The following FAM13A variants were observed in gnomAD, a reference collection of about 807,000 sequenced individuals.
FAM13A encodes protein FAM13A.
FAM13A carries 76 observed loss-of-function variants against 129.6 expected under a neutral mutation model. The observed-to-expected ratio is 0.59, with a 90% CI of 0.49 to 0.71. The LOEUF (loss-of-function observed/expected upper bound fraction) is 0.71, where lower values mean the gene tolerates loss of function less well. Among genes scored for constraint, FAM13A ranks in the 30% least tolerant of loss-of-function variants. FAM13A has a pLI of 0.00. For synonymous variants in FAM13A, 443 were observed against 449.9 expected (o/e 0.98, Z 0.20); for missense variants, 1,108 against 1,249.3 (o/e 0.89, Z 1.70).
chr4:88,817,011 A>C (rs1730862701), intron 7 of FAM13A, among the ~76,000 whole-genome samples: 1 of 152,204 alleles, frequency 6.6e-6, no homozygotes, highest in Non-Finnish European at 1.5e-5. Flanking sequence ...GATAAACGAA[A>C]TTTGCTACAT....
chr4:88,812,550 CCT>C (rs1266928849), intron 7 of FAM13A, among the ~76,000 whole-genome samples: 1 of 152,154 alleles, frequency 6.6e-6, no homozygotes, highest in African/African-American at 2.4e-5. Context: ...CCTTTCTCCA[CCT>C]CTCTCTGCCT....
In FAM13A at chr4:88,788,918, A is replaced by T. The variant is rs114021235; in HGVS notation, c.1092-986T>A. Among the ~76,000 whole-genome samples, 1,198 of 152,254 alleles carry T rather than the reference A, an allele frequency of 7.9e-3. 10 individuals carry two copies. Among genetic ancestry groups the T allele is most frequent in the African/African-American group, 0.028 (1,159 of 41,560 alleles). On this transcript the variant is annotated intron_variant, in intron 9 of 23. Coordinates refer to ENST00000264344, the MANE Select transcript of FAM13A (RefSeq NM_014883.4). ...CTCATAGTTATTCAAATTTTATTAA[A>T]AATATTTTAAGATAATGAGGAAGTA...
Position 88,747,613 on chromosome 4 carries a change from T to A in FAM13A, c.2382+18A>T. The A allele has an allele frequency of 6.2e-7, 1 of 1,607,642 alleles. No individual in the cohort carries two copies. Among genetic ancestry groups the A allele is most frequent in the Non-Finnish European group, 8.5e-7 (1 of 1,174,156 alleles). On this transcript the variant is annotated intron_variant, in intron 18 of 23. Coordinates refer to ENST00000264344, the MANE Select transcript of FAM13A (RefSeq NM_014883.4). ...ACTGCAATGGCTTAGGGCTTAGCAC[T>A]TCACAGAATGATCGCACCTTAATGT...
At chr4:88,880,237 A>G (rs554700500) in intron 6 of FAM13A, among the ~76,000 whole-genome samples, 1 of 152,246 alleles carries the variant, frequency 6.6e-6, no homozygotes, top group East Asian at 1.9e-4. Context: ...AGGCTCCAGG[A>G]GACAGCTGAA....
At chr4:88,857,403 G>GATCACTA (rs1738705567) in intron 6 of FAM13A, among the ~76,000 whole-genome samples, 2 of 151,856 alleles carry the variant, frequency 1.3e-5, no homozygotes, top group African/African-American at 2.4e-5. Flanking sequence ...CAAGGCAGGC[G>GATCACTA]GATCACTTGA....
At chr4:89,045,766 G>A (rs529562801) in intron 1 of FAM13A, among the ~76,000 whole-genome samples, 95 of 152,292 alleles carry the variant, frequency 6.2e-4, no homozygotes, top group African/African-American at 1.4e-3. Context: ...GCTCATGCCT[G>A]TAATCCTAGC....
intron 4 of FAM13A, among the ~76,000 whole-genome samples, chr4:88,947,672 A>G (rs1169306818): frequency 6.6e-6 from 1 of 151,604 alleles, no homozygotes; most frequent in Admixed American, 6.6e-5. Flanking sequence ...TGCTTTCTTT[A>G]GTCCTTTTTT....
chr4:88,797,290 A>G (rs1259612497), intron 8 of FAM13A, among the ~76,000 whole-genome samples: 3 of 144,352 alleles, frequency 2.1e-5, no homozygotes, highest in Non-Finnish European at 4.6e-5. Flanking sequence ...TTTTTTTGAG[A>G]CAGTGTCTTG....
At chr4:88,796,285 T>C (rs1726160069) in intron 8 of FAM13A, among the ~76,000 whole-genome samples, 1 of 152,010 alleles carries the variant, frequency 6.6e-6, no homozygotes, top group Admixed American at 6.6e-5. Flanking sequence ...TACAAGAGTT[T>C]TCATTGGTTG....
chr4:88,802,347 T>C (rs531289605), intron 8 of FAM13A, among the ~76,000 whole-genome samples: 1 of 152,306 alleles, frequency 6.6e-6, no homozygotes, highest in East Asian at 1.9e-4. Context: ...CTACATGGAA[T>C]GGTGGCAGGT....
chr4:88,909,768 A>G (rs1043737729), intron 5 of FAM13A, among the ~76,000 whole-genome samples: 4 of 152,178 alleles, frequency 2.6e-5, no homozygotes, highest in Non-Finnish European at 4.4e-5. Flanking sequence ...TACAGAAGTG[A>G]GCCACCGTAC....
chr4:88,953,144 TTCATTACCCC>T (rs1175893861), intron 4 of FAM13A, among the ~76,000 whole-genome samples: 1 of 151,906 alleles, frequency 6.6e-6, no homozygotes. Flanking sequence ...TTAGAACATT[TTCATTACCCC>T]AAGAAGAAAC....
chr4:89,037,393 G>C (rs1355546643), intron 1 of FAM13A, among the ~76,000 whole-genome samples: 1 of 152,162 alleles, frequency 6.6e-6, no homozygotes, highest in African/African-American at 2.4e-5. Flanking sequence ...TGTTTTGGCT[G>C]ATTTCTGCCT....
intron 4 of FAM13A, among the ~76,000 whole-genome samples, chr4:88,942,910 A>G (rs1356997759): frequency 6.6e-6 from 1 of 152,214 alleles, no homozygotes; most frequent in African/African-American, 2.4e-5. Context: ...GCTCTTAGTA[A>G]AAAATGGTGA....
At chr4:88,781,882 C>T (rs936901031) in intron 10 of FAM13A, among the ~76,000 whole-genome samples, 44 of 150,812 alleles carry the variant, frequency 2.9e-4, no homozygotes, top group African/African-American at 1.0e-3. Flanking sequence ...GGAGATATAC[C>T]TAATGCTAAA....
intron 10 of FAM13A, among the ~76,000 whole-genome samples, chr4:88,784,259 C>T (rs575740225): frequency 4.8e-4 from 73 of 152,226 alleles, no homozygotes; most frequent in African/African-American, 1.6e-3. Context: ...AGCCTGGATG[C>T]GATATCTGTT....
intron 2 of FAM13A, among the ~76,000 whole-genome samples, chr4:89,021,722 G>GA (rs1233907684): frequency 2.0e-5 from 3 of 152,158 alleles, no homozygotes; most frequent in Non-Finnish European, 4.4e-5. Context: ...CTGCCTTATG[G>GA]AAACTATCTT....
chr4:88,928,735 T>C (rs1262955704), intron 5 of FAM13A, among the ~76,000 whole-genome samples: 1 of 152,136 alleles, frequency 6.6e-6, no homozygotes, highest in Non-Finnish European at 1.5e-5. Flanking sequence ...AGTTGGATCA[T>C]GCTTCTTTCT....
intron 6 of FAM13A, among the ~76,000 whole-genome samples, chr4:88,858,703 CA>C (rs1421338723): frequency 2.0e-5 from 3 of 152,002 alleles, no homozygotes; most frequent in Admixed American, 6.6e-5. Flanking sequence ...TCCAGAGAGA[CA>C]AAAAATAGAT....
Sources: gnomAD v4.1 joint callset for allele counts (sites outside exome capture counted in the v4.1 genomes callset) on GRCh38, gnomAD v4.1.1 for gene constraint, MANE v1.5 for transcripts, NCBI Gene and HGNC (gene_info 2026-07-23, HGNC 2026-07-21) for gene names.